BRWD1: variants seen among roughly 807,000 people sequenced by gnomAD.
BRWD1 encodes the protein bromodomain and WD repeat-containing protein 1.
A neutral mutation model predicts 251.2 loss-of-function variants in BRWD1; 82 were observed. That is an observed-to-expected ratio of 0.33 (90% CI 0.27 to 0.39). BRWD1 has a LOEUF of 0.39. BRWD1 is among the 10% of genes least tolerant of loss of function. The probability of loss-of-function intolerance (pLI) is 1.00; values close to 1 mark genes in which losing one functional copy is unlikely to be tolerated. For synonymous variants in BRWD1, 918 were observed against 902.8 expected (o/e 1.02, Z -0.30); for missense variants, 2,233 against 2,711.6 (o/e 0.82, Z 3.92).
chr21:39,312,748 G>A, intron 4 of BRWD1, 93 bp downstream of exon 4: 2 of 1,001,722 alleles, frequency 2.0e-6, no homozygotes, highest in South Asian at 1.5e-5. Context: ...GTCACACTTT[G>A]CACCCCACGG....
In BRWD1 at chr21:39,186,925, T is replaced by C; in HGVS notation, c.*9334A>G. ...GGCTTTTAGAAAATTCCTCCAAAGA[T>C]GCCAATAAGGGAGTAATTTTAGAGC... On this transcript the variant is annotated 3_prime_UTR_variant, in exon 41 of 41. Transcript: ENST00000342449. 6.7e-7 allele frequency: 1 copy of C among 1,483,190 alleles called. No homozygotes were observed. Among genetic ancestry groups the C allele is most frequent in the Non-Finnish European group, 8.9e-7 (1 of 1,121,510 alleles). The allele number at this position is 1,483,190 out of a possible 1,614,324, so 91.9% of individuals were successfully genotyped here.
At chr21:39,203,657 T>A (rs1282650913) in intron 37 of BRWD1, among the ~76,000 whole-genome samples, 1 of 150,628 alleles carries the variant, frequency 6.6e-6, no homozygotes, top group Non-Finnish European at 1.5e-5. Flanking sequence ...TCCACCCACC[T>A]CGGCCTCCCA....
intron 36 of BRWD1, among the ~76,000 whole-genome samples, chr21:39,207,451 A>C (rs79484269): frequency 1.1e-4 from 14 of 131,316 alleles, no homozygotes; most frequent in African/African-American, 3.3e-4. Context: ...AAAAAAAGAA[A>C]ACACACACAC....
intron 31 of BRWD1, among the ~76,000 whole-genome samples, 185 bp downstream of exon 31, chr21:39,217,967 A>G (rs970661418): frequency 1.3e-5 from 2 of 152,172 alleles, no homozygotes; most frequent in African/African-American, 4.8e-5. Flanking sequence ...ATGGTAGTCA[A>G]TCTTCTGCCT....
rs1198598580 is a variant in BRWD1 at position 39,210,819 on chromosome 21, T to C, written c.4011A>G (p.Pro1337=). 27 of 1,610,252 alleles carry C rather than the reference T, an allele frequency of 1.7e-5. No individual in the cohort carries two copies. Among genetic ancestry groups the C allele is most frequent in the Admixed American group, 3.4e-5 (2 of 58,904 alleles). The change falls in exon 35 of 41, where the codon CCA becomes CCG. Residue 1337 remains proline (P), a synonymous_variant. Coordinates refer to ENST00000342449, the MANE Select transcript of BRWD1 (RefSeq NM_033656.4). ...CAACCAAATCAACAGGTTGTCTAAA[T>C]GGTTCAGAATCTTCACACTGAAAAA... The part of the protein sequence containing the change: ...NLIFQCEDSE[P]FRQPVDLVEY...
In BRWD1 at chr21:39,199,340, C is replaced by T. The variant is rs770055682; in HGVS notation, c.5076G>A (p.Glu1692=). Residue 1692 remains glutamate (E), a synonymous_variant, in exon 40 of 41, where the codon GAG becomes GAA. Transcript: ENST00000342449. ...GTAATAGTTGATTTTCATCTTTTAG[C>T]TCCTCTTCTTCAATTTCTGACTTTA... ...QSLKSEIEEE[E]LKDENQLLPV... The T allele has an allele frequency of 3.1e-6, 5 of 1,614,046 alleles. No homozygotes were observed. The highest frequency in any genetic ancestry group is 4.2e-6 in the Non-Finnish European group (5 of 1,179,906).
At chr21:39,244,504 C>A (rs996373041) in intron 21 of BRWD1, among the ~76,000 whole-genome samples, 2 of 152,112 alleles carry the variant, frequency 1.3e-5, no homozygotes, top group African/African-American at 4.8e-5. Context: ...AACGTGTAAA[C>A]CATTTAGAAT....
At position 39,193,942 on chromosome 21, in the gene BRWD1, A is replaced by C; in HGVS notation, c.*2317T>G. 4.1e-6 allele frequency: 4 copies of C among 985,538 alleles called. No individual in the cohort carries two copies. The highest frequency in any genetic ancestry group is 4.8e-6 in the Non-Finnish European group (4 of 829,696). The allele number at this position is 985,538 out of a possible 1,614,324, so 61.0% of individuals were successfully genotyped here. A position where few individuals can be genotyped will look rare whatever the true frequency, so the allele number is the denominator to read the frequency against. The stretch of plus-strand genomic sequence containing the variant: ...ACCATAACCAAAAAAACCCATAAAA[A>C]TTATTTTCTCCATTATCTCTCAGTT... On this transcript the variant is annotated 3_prime_UTR_variant, in exon 41 of 41. Transcript: ENST00000342449.
chr21:39,276,295 A>C, intron 11 of BRWD1, 82 bp from the exon 12 acceptor site: 1 of 1,308,472 alleles, frequency 7.6e-7, no homozygotes, highest in Non-Finnish European at 1.0e-6. Flanking sequence ...TAATGCTAGA[A>C]GCCTATTTGC....
At chr21:39,200,994 T>G (rs890189608) in intron 38 of BRWD1, among the ~76,000 whole-genome samples, 1 of 151,158 alleles carries the variant, frequency 6.6e-6, no homozygotes, top group African/African-American at 2.5e-5. Flanking sequence ...AAAAATAAAT[T>G]AGTTAAATTA....
At chr21:39,296,148 T>C in intron 6 of BRWD1, 117 bp downstream of exon 6, 1 of 806,878 alleles carries the variant, frequency 1.2e-6, no homozygotes, top group Non-Finnish European at 1.8e-6. Context: ...TACTTATTAC[T>C]ATTAAAACAA....
intron 10 of BRWD1, among the ~76,000 whole-genome samples, chr21:39,277,620 A>G (rs569283132): frequency 5.9e-5 from 9 of 151,950 alleles, no homozygotes; most frequent in East Asian, 3.9e-4. Context: ...CTGGAGCCCA[A>G]TGGTGTGATC....
intron 8 of BRWD1, among the ~76,000 whole-genome samples, chr21:39,286,200 A>G (rs1333159097): frequency 6.6e-6 from 1 of 151,724 alleles, no homozygotes; most frequent in African/African-American, 2.4e-5. Flanking sequence ...TTATATTATT[A>G]GTAGAGATGG....
chr21:39,239,128 G>A (rs1028119249), intron 21 of BRWD1, among the ~76,000 whole-genome samples: 1 of 152,018 alleles, frequency 6.6e-6, no homozygotes. Context: ...ATCCTGGTTT[G>A]TGGCTTATCT....
upstream of BRWD1, chr21:39,317,321 C>T (rs1207307234): frequency 6.6e-6 from 1 of 152,204 alleles, no homozygotes; most frequent in Non-Finnish European, 1.5e-5. Flanking sequence ...CACAAGAAAG[C>T]TACATGGTAA....
rs1320114629 is a variant in BRWD1 at position 39,187,102 on chromosome 21, T to G, written c.*9157A>C. ...TCTATTAATATCTTCTAGCTCTTTTTCACTTTCAGAATTTATGGTTGTATC... is the reference window on the plus strand; with the variant it reads ...TCTATTAATATCTTCTAGCTCTTTTGCACTTTCAGAATTTATGGTTGTATC... On this transcript the variant is annotated 3_prime_UTR_variant, in exon 41 of 41. Coordinates refer to ENST00000342449, the MANE Select transcript of BRWD1 (RefSeq NM_033656.4). The G allele has an allele frequency of 6.2e-7, 1 of 1,605,614 alleles. No individual in the cohort carries two copies. The highest frequency in any genetic ancestry group is 1.7e-5 in the Admixed American group (1 of 57,804).
rs1157329749 is a variant in BRWD1 at position 39,255,727 on chromosome 21, G to A, written c.2173C>T (p.Arg725Cys). The change falls in exon 19 of 41, where the codon CGC becomes TGC. Residue 725 changes from arginine to cysteine, a missense_variant. Transcript: ENST00000342449. Reference protein sequence around the residue: ...GVRQMHQNAPRSQIATERDLQ... With the variant: ...GVRQMHQNAPCSQIATERDLQ... ...TCACGTTCTGTAGCAATCTGACTGC[G>A]TGGAGCGTTTTGATGCATCTGACGA... 1.9e-5 allele frequency: 31 copies of A among 1,614,044 alleles called. No homozygotes were observed. Among genetic ancestry groups the A allele is most frequent in the Non-Finnish European group, 2.4e-5 (28 of 1,180,034 alleles).
chr21:39,209,211 G>A (rs1395735686), intron 36 of BRWD1, among the ~76,000 whole-genome samples: 1 of 151,804 alleles, frequency 6.6e-6, no homozygotes, highest in East Asian at 1.9e-4. Flanking sequence ...AACTATACAT[G>A]CCCAAAGACT....
At chr21:39,252,815 CA>C (rs1197007771) in intron 19 of BRWD1, among the ~76,000 whole-genome samples, 2 of 36,486 alleles carry the variant, frequency 5.5e-5, no homozygotes, top group African/African-American at 3.4e-4. Flanking sequence ...ACATTCTGGT[CA>C]ATGAGTTATA....
Sources: allele counts gnomAD v4.1 joint callset (sites outside exome capture counted in the v4.1 genomes callset), GRCh38; gene constraint gnomAD v4.1.1; transcripts MANE v1.5; gene names NCBI Gene and HGNC (gene_info 2026-07-23, HGNC 2026-07-21).